MAD1L1: variants seen among roughly 807,000 people sequenced by gnomAD.
The protein encoded by MAD1L1 is mitotic arrest deficient 1 like 1.
Under a neutral mutation model 96.9 loss-of-function variants are expected in MAD1L1, and 95 were observed. The observed-to-expected ratio is 0.98, with a 90% CI of 0.83 to 1.16. The LOEUF is 1.16. Among genes scored for constraint, MAD1L1 ranks in the 50% most tolerant of loss-of-function variants. MAD1L1 has a pLI of 0.00. For missense variants in MAD1L1, 1,007 were observed against 954.4 expected, an observed-to-expected ratio of 1.06 and a Z score of -0.73; for synonymous variants, 473 against 396.6, an observed-to-expected ratio of 1.19 and a Z score of -2.29.
chr7:2,146,126 A>G lies in MAD1L1; in HGVS notation c.1073+3026T>C, dbSNP rs1288560943. 6.6e-6 allele frequency among the ~76,000 whole-genome samples: 1 copy of G among 152,220 alleles called. No homozygotes were observed. The highest frequency in any genetic ancestry group is 6.5e-5 in the Admixed American group (1 of 15,280). ...CATCTTCTAAAAGCCAAGCTCCTGA[A>G]AACAGGCACACGAATGACCCAGCCG... On this transcript the variant is annotated intron_variant, in intron 11 of 18. Coordinates refer to ENST00000265854, the MANE Select transcript of MAD1L1 (RefSeq NM_001013836.2). The surrounding 1 kb of genome is among the most constrained non-coding windows in gnomAD (Gnocchi z 6.2).
At chr7:2,048,161 G>A (rs1784015549) in intron 12 of MAD1L1, among the ~76,000 whole-genome samples, 1 of 152,234 alleles carries the variant, frequency 6.6e-6, no homozygotes. Flanking sequence ...CGACACGGGT[G>A]TGTTCATGAA....
intron 18 of MAD1L1, among the ~76,000 whole-genome samples, chr7:1,822,091 A>C (rs918133208): frequency 6.6e-6 from 1 of 152,094 alleles, no homozygotes; most frequent in African/African-American, 2.4e-5. Context: ...TCTGCAGAAA[A>C]CTCCTGGAAC....
intron 15 of MAD1L1, among the ~76,000 whole-genome samples, chr7:1,975,589 G>A (rs964969269): frequency 3.3e-5 from 5 of 152,184 alleles, no homozygotes; most frequent in Non-Finnish European, 5.9e-5. Context: ...TTAGAGCAGC[G>A]GTGTTTAATG....
intron 18 of MAD1L1, among the ~76,000 whole-genome samples, chr7:1,854,124 C>T (rs1401682350): frequency 6.6e-6 from 1 of 152,134 alleles, no homozygotes; most frequent in Non-Finnish European, 1.5e-5. Flanking sequence ...ACATCACTCA[C>T]GGGGCTGCCC....
At chr7:2,195,466 T>C (rs1001474798) in intron 10 of MAD1L1, among the ~76,000 whole-genome samples, 1 of 152,192 alleles carries the variant, frequency 6.6e-6, no homozygotes, top group Non-Finnish European at 1.5e-5. Flanking sequence ...GAATTGTGTG[T>C]CAAAATGTCC....
chr7:1,913,887 C>T (rs6964522), intron 17 of MAD1L1, among the ~76,000 whole-genome samples: 66,491 of 151,900 alleles, frequency 0.44, 14,751 homozygotes, highest in Admixed American at 0.55. Context: ...CTCAGTCATG[C>T]CCCCTCACAG....
At chr7:2,141,593 G>A (rs1256713665) in intron 11 of MAD1L1, among the ~76,000 whole-genome samples, 1 of 152,174 alleles carries the variant, frequency 6.6e-6, no homozygotes, top group Non-Finnish European at 1.5e-5. Flanking sequence ...CAAGACAGAC[G>A]CCCGCTCACC....
At chr7:1,961,306 C>T (rs112263642) in intron 15 of MAD1L1, among the ~76,000 whole-genome samples, 65 of 152,216 alleles carry the variant, frequency 4.3e-4, no homozygotes, top group African/African-American at 1.2e-3. Context: ...ACAACATTGA[C>T]AATGAAAAAG....
At chr7:2,016,760 A>G (rs1782560962) in intron 12 of MAD1L1, among the ~76,000 whole-genome samples, 1 of 152,270 alleles carries the variant, frequency 6.6e-6, no homozygotes, top group Non-Finnish European at 1.5e-5. Flanking sequence ...CAAAAAATTC[A>G]AAATTCAATA....
At chr7:1,948,196 G>A (rs73035908) in intron 16 of MAD1L1, among the ~76,000 whole-genome samples, 5,167 of 152,210 alleles carry the variant, frequency 0.034, 189 homozygotes, top group Admixed American at 0.098. Flanking sequence ...TCCAGCACAC[G>A]CACCATGGCC....
At chr7:1,873,092 G>A (rs1032489665) in intron 18 of MAD1L1, among the ~76,000 whole-genome samples, 1 of 152,266 alleles carries the variant, frequency 6.6e-6, no homozygotes, top group African/African-American at 2.4e-5. Flanking sequence ...GCCGAGCCGT[G>A]GAGGAGCGGG....
chr7:1,939,964 G>A (rs1778866930), intron 16 of MAD1L1: 1 of 152,494 alleles, frequency 6.6e-6, no homozygotes, highest in South Asian at 2.1e-4. Context: ...GAAGGGAAGA[G>A]ACCTCACCCC....
chr7:1,925,021 T>G (rs1789012620), intron 17 of MAD1L1, among the ~76,000 whole-genome samples: 1 of 151,548 alleles, frequency 6.6e-6, no homozygotes, highest in Non-Finnish European at 1.5e-5. Context: ...TAACCTGAAA[T>G]AGGTAGGAAA....
chr7:2,181,701 T>C (rs1289798221), intron 10 of MAD1L1, among the ~76,000 whole-genome samples: 1 of 152,196 alleles, frequency 6.6e-6, no homozygotes, highest in African/African-American at 2.4e-5. Context: ...GAAGTCATTC[T>C]ACGAAAAAGA....
chr7:2,164,918 G>A (rs1192568776), intron 10 of MAD1L1, among the ~76,000 whole-genome samples: 2 of 152,192 alleles, frequency 1.3e-5, no homozygotes, highest in Non-Finnish European at 2.9e-5. Flanking sequence ...TCCAGTGGCC[G>A]GATCTGGAGA....
intron 17 of MAD1L1, among the ~76,000 whole-genome samples, chr7:1,912,288 A>C (rs1177136026): frequency 2.0e-5 from 3 of 152,236 alleles, no homozygotes; most frequent in Non-Finnish European, 4.4e-5. Flanking sequence ...AAATGGGGGC[A>C]TGTGTGGCTC....
intron 18 of MAD1L1, among the ~76,000 whole-genome samples, chr7:1,838,180 C>T (rs867823402): frequency 5.9e-5 from 9 of 152,348 alleles, no homozygotes; most frequent in South Asian, 2.1e-4. Context: ...TCTAACCCAG[C>T]GGCACCCGCA....
Position 1,852,684 on chromosome 7 carries a change from A to G in MAD1L1, c.1999-36456T>C, listed in dbSNP as rs535562883. On this transcript the variant is annotated intron_variant, in intron 18 of 18. Transcript: ENST00000265854. ...AATCTAATAAAAAGCTTTGCGAGAT[A>G]CTGCATTAGGAAGTAATCATACCGC... Among the ~76,000 whole-genome samples the G allele has an allele frequency of 7.3e-4, 111 of 152,262 alleles. 1 individual carries two copies. Among genetic ancestry groups the G allele is most frequent in the Middle Eastern group, 3.4e-3 (1 of 294 alleles).
intron 18 of MAD1L1, among the ~76,000 whole-genome samples, chr7:1,870,547 T>C (rs1785008453): frequency 1.5e-5 from 2 of 135,430 alleles, no homozygotes; most frequent in South Asian, 2.4e-4. Flanking sequence ...GAACCGACCA[T>C]AACACCTGCC....
Sources: allele counts gnomAD v4.1 joint callset (sites outside exome capture counted in the v4.1 genomes callset), GRCh38; gene constraint gnomAD v4.1.1; non-coding constraint Gnocchi (gnomAD v3.1); transcripts MANE v1.5; gene names NCBI Gene and HGNC (gene_info 2026-07-23, HGNC 2026-07-21).